The following NEK11 variants were observed in gnomAD, a reference collection of about 807,000 sequenced individuals.
NEK11 encodes the protein serine/threonine-protein kinase Nek11.
Under a neutral mutation model 80.7 loss-of-function variants are expected in NEK11, and 72 were observed. That is an observed-to-expected ratio of 0.89 (90% CI 0.74 to 1.08). NEK11 has a LOEUF of 1.08. Ranked by LOEUF, NEK11 falls within the 50% of genes least tolerant of loss-of-function variation. The pLI is 0.00. For missense variants in NEK11, 764 were observed against 763.6 expected (o/e 1.00, Z -0.01); for synonymous variants, 251 against 260.7 (o/e 0.96, Z 0.36).
At position 131,227,211 on chromosome 3, in the gene NEK11, T is replaced by C. The variant is rs1316913606; in HGVS notation, c.1400-1317T>C. On this transcript the variant is annotated intron_variant, in intron 14 of 17. Transcript: ENST00000383366. The stretch of plus-strand genomic sequence containing the variant: ...CTACTGTACAGCAGCCTTTTATGTT[T>C]TAGTGGGAAACCATAGATAACAAAC... Among the ~76,000 whole-genome samples, 7 of 152,154 alleles carry C rather than the reference T, an allele frequency of 4.6e-5. 1 individual carries two copies. Among genetic ancestry groups the C allele is most frequent in the Non-Finnish European group, 1.5e-5 (1 of 68,014 alleles).
intron 17 of NEK11, among the ~76,000 whole-genome samples, chr3:131,302,927 A>G (rs2096677525): frequency 6.6e-6 from 1 of 152,076 alleles, no homozygotes; most frequent in African/African-American, 2.4e-5. Flanking sequence ...GCTCTGTCTG[A>G]TACTGTCAGT....
intron 17 of NEK11, among the ~76,000 whole-genome samples, chr3:131,300,164 CAT>C (rs1221958193): frequency 6.6e-6 from 1 of 152,072 alleles, no homozygotes; most frequent in African/African-American, 2.4e-5. Flanking sequence ...TTGTTGGCCA[CAT>C]GTGTATGTCT....
At chr3:131,305,553 G>A (rs564826325) in intron 17 of NEK11, among the ~76,000 whole-genome samples, 12 of 152,254 alleles carry the variant, frequency 7.9e-5, no homozygotes, top group African/African-American at 2.9e-4. Flanking sequence ...GGTGAGCCTT[G>A]GGGAATTGGC....
At chr3:131,154,206 G>C (rs2090219151) in intron 9 of NEK11, among the ~76,000 whole-genome samples, 2 of 152,108 alleles carry the variant, frequency 1.3e-5, no homozygotes, top group Admixed American at 1.3e-4. Flanking sequence ...AGAACCTGCA[G>C]GTGGTCCTCT....
intron 17 of NEK11, among the ~76,000 whole-genome samples, chr3:131,277,267 T>G (rs111867900): frequency 6.6e-6 from 1 of 152,202 alleles, no homozygotes; most frequent in Non-Finnish European, 1.5e-5. Context: ...ACATGTTACT[T>G]TTAAGGAAGT....
intron 14 of NEK11, among the ~76,000 whole-genome samples, chr3:131,196,952 C>A (rs1196497765): frequency 2.0e-5 from 3 of 151,926 alleles, no homozygotes; most frequent in South Asian, 2.1e-4. Context: ...ATTGCTGGCT[C>A]CAATGCCTGG....
intron 15 of NEK11, among the ~76,000 whole-genome samples, chr3:131,229,209 G>A (rs894806090): frequency 3.3e-5 from 5 of 152,098 alleles, no homozygotes; most frequent in Non-Finnish European, 7.3e-5. Flanking sequence ...TGCTTAAGTG[G>A]TGAAGTCTCT....
At chr3:131,278,252 G>A (rs1342692781) in intron 17 of NEK11, among the ~76,000 whole-genome samples, 2 of 152,176 alleles carry the variant, frequency 1.3e-5, no homozygotes, top group Non-Finnish European at 2.9e-5. Context: ...CCCTACTGGT[G>A]CACAAACAAC....
intron 16 of NEK11, among the ~76,000 whole-genome samples, chr3:131,252,067 T>A (rs968414856): frequency 6.6e-6 from 1 of 152,174 alleles, no homozygotes; most frequent in Non-Finnish European, 1.5e-5. Flanking sequence ...GCTTTGTTCC[T>A]ATTACATTTT....
intron 15 of NEK11, among the ~76,000 whole-genome samples, chr3:131,231,735 A>G (rs546095648): frequency 6.6e-6 from 1 of 152,002 alleles, no homozygotes; most frequent in African/African-American, 2.4e-5. Flanking sequence ...GAACTCAGTC[A>G]TGGTCAACTT....
In NEK11 at chr3:131,117,487, G is replaced by GT. The variant is rs1272581261; in HGVS notation, c.455+7575dup. Among the ~76,000 whole-genome samples the GT allele has an allele frequency of 9.9e-5, 15 of 151,316 alleles. No individual in the cohort carries two copies. The South Asian group carries it at 1.3e-3, about 13-fold the overall frequency. On this transcript the variant is annotated intron_variant, in intron 5 of 17. Transcript: ENST00000383366. Reference sequence around the variant, plus strand: ...CTTTTTTGGTTCCATATGAACTTTAGTTTTTTTTTCCCAATTCTGTGAAGA... The same window carrying GT: ...CTTTTTTGGTTCCATATGAACTTTAGTTTTTTTTTTCCCAATTCTGTGAAGA...
intron 14 of NEK11, among the ~76,000 whole-genome samples, chr3:131,194,814 A>C (rs2093935092): frequency 1.3e-5 from 2 of 152,322 alleles, no homozygotes; most frequent in South Asian, 4.1e-4. Flanking sequence ...GGAAATATAA[A>C]GCAAGAAGTC....
chr3:131,191,845 A>G (rs1320013872), intron 14 of NEK11, among the ~76,000 whole-genome samples: 1 of 152,164 alleles, frequency 6.6e-6, no homozygotes, highest in African/African-American at 2.4e-5. Context: ...ACCTAAAACT[A>G]TAAAAACACA....
At chr3:131,299,076 T>G (rs2096633079) in intron 17 of NEK11, among the ~76,000 whole-genome samples, 1 of 152,166 alleles carries the variant, frequency 6.6e-6, no homozygotes, top group Non-Finnish European at 1.5e-5. Flanking sequence ...TGTTACAGTA[T>G]TTTTTTACAC....
rs139335644 is a variant in NEK11 at position 131,209,476 on chromosome 3, A to G, written c.1400-19052A>G. Among the ~76,000 whole-genome samples the G allele has an allele frequency of 2.2e-3, 333 of 152,254 alleles. 1 individual carries two copies. Among genetic ancestry groups the G allele is most frequent in the African/African-American group, 7.6e-3 (316 of 41,546 alleles). ...GTTTCTGCCAGACTTTGGTATCAGG[A>G]TGATGTTGGCCTTGTAAAATGAGTT... is the stretch of plus-strand genomic sequence containing the variant. On this transcript the variant is annotated intron_variant, in intron 14 of 17. Transcript: ENST00000383366.
At chr3:131,258,150 T>C (rs572190779) in intron 16 of NEK11, among the ~76,000 whole-genome samples, 1 of 151,158 alleles carries the variant, frequency 6.6e-6, no homozygotes, top group Non-Finnish European at 1.5e-5. Flanking sequence ...TATAATGGAC[T>C]CTGGGGACTC....
At chr3:131,078,810 A>G (rs1340758946) in intron 3 of NEK11, among the ~76,000 whole-genome samples, 1 of 150,608 alleles carries the variant, frequency 6.6e-6, no homozygotes, top group Non-Finnish European at 1.5e-5. Context: ...ATAACTGTAC[A>G]TTTTCTCCAG....
At chr3:131,152,329 T>C (rs1298429415) in intron 7 of NEK11, 59 bp from the exon 8 acceptor site, 5 of 1,483,348 alleles carry the variant, frequency 3.4e-6, no homozygotes, top group Middle Eastern at 1.8e-4. Flanking sequence ...TTTTGTATGA[T>C]GAAAAAATTT....
intron 3 of NEK11, among the ~76,000 whole-genome samples, chr3:131,079,849 T>C (rs572503253): frequency 6.6e-6 from 1 of 152,266 alleles, no homozygotes; most frequent in Non-Finnish European, 1.5e-5. Context: ...ATTAAGTCGA[T>C]ATATTTGGAA....
Sources: allele counts gnomAD v4.1 joint callset (sites outside exome capture counted in the v4.1 genomes callset), GRCh38; gene constraint gnomAD v4.1.1; transcripts MANE v1.5; gene names NCBI Gene and HGNC (gene_info 2026-07-23, HGNC 2026-07-21).